ASIC2: variants seen among roughly 807,000 people sequenced by gnomAD.
ASIC2 encodes the protein acid sensing ion channel subunit 2.
ASIC2 carries 25 observed loss-of-function variants against 57.3 expected under a neutral mutation model. That is an observed-to-expected ratio of 0.44 (90% CI 0.32 to 0.61). The LOEUF (loss-of-function observed/expected upper bound fraction) is 0.61. Ranked by LOEUF, ASIC2 falls within the 20% of genes least tolerant of loss-of-function variation. ASIC2 has a pLI of 0.06. For missense variants in ASIC2, 641 were observed against 738.1 expected, an observed-to-expected ratio of 0.87 and a Z score of 1.52; for synonymous variants, 319 against 307.5, an observed-to-expected ratio of 1.04 and a Z score of -0.39.
intron 1 of ASIC2, among the ~76,000 whole-genome samples, chr17:34,014,894 ATT>A (rs71942466): frequency 6.8e-6 from 1 of 146,754 alleles, no homozygotes; most frequent in Non-Finnish European, 1.5e-5. Flanking sequence ...ATATCGCTGC[ATT>A]TTTTTTTTTT....
At chr17:33,265,881 C>T (rs1909439930) in intron 1 of ASIC2, among the ~76,000 whole-genome samples, 1 of 152,084 alleles carries the variant, frequency 6.6e-6, no homozygotes, top group Non-Finnish European at 1.5e-5. Context: ...CTCTTCTCAA[C>T]CTCATCTTGA....
intron 3 of ASIC2, among the ~76,000 whole-genome samples, chr17:33,072,856 A>G (rs1040470077): frequency 2.6e-5 from 4 of 152,166 alleles, no homozygotes; most frequent in Admixed American, 1.3e-4. Flanking sequence ...TCATTTCCCC[A>G]CTGGGAAGAA....
At chr17:33,909,036 T>C (rs1006905634) in intron 1 of ASIC2, among the ~76,000 whole-genome samples, 2 of 152,212 alleles carry the variant, frequency 1.3e-5, no homozygotes, top group African/African-American at 4.8e-5. Flanking sequence ...AGCTGTTGAA[T>C]GGTGGCCCTG....
chr17:34,099,627 A>C (rs1264780834), intron 1 of ASIC2, among the ~76,000 whole-genome samples: 2 of 149,520 alleles, frequency 1.3e-5, no homozygotes, highest in Admixed American at 6.6e-5. Context: ...AGAAAGAAAA[A>C]GAAAAAGAAA....
In ASIC2 at chr17:33,608,373, G is replaced by A. The variant is rs191047201; in HGVS notation, c.556-496306C>T. On this transcript the variant is annotated intron_variant, in intron 1 of 9. Transcript: ENST00000359872. ...CTTCCAGTAGGCCCTAAGGCCTAGA[G>A]TTCATATAAAAGTCTCAGGAATGTT... 2.6e-5 allele frequency among the ~76,000 whole-genome samples: 4 copies of A among 152,252 alleles called. No homozygotes were observed. In the East Asian group the frequency reaches 7.7e-4, roughly 29 times the overall value.
At chr17:33,294,655 A>G (rs1422269153), upstream of ASIC2, among the ~76,000 whole-genome samples, 2 of 152,140 alleles carry the variant, frequency 1.3e-5, no homozygotes, top group African/African-American at 4.8e-5. Context: ...ACACACATAT[A>G]CATGAACATA....
chr17:33,207,812 G>T (rs1907124153), intron 1 of ASIC2, among the ~76,000 whole-genome samples: 1 of 152,144 alleles, frequency 6.6e-6, no homozygotes, highest in African/African-American at 2.4e-5. Flanking sequence ...CACCCTTCAG[G>T]TGGGAGAACT....
chr17:33,099,023 C>T (rs1044627440), intron 2 of ASIC2, among the ~76,000 whole-genome samples: 1 of 131,520 alleles, frequency 7.6e-6, no homozygotes, highest in Non-Finnish European at 1.7e-5. Flanking sequence ...GATGCAGTCT[C>T]ACTCTGTTGC....
At chr17:33,198,139 C>T (rs1906711704) in intron 1 of ASIC2, among the ~76,000 whole-genome samples, 2 of 152,142 alleles carry the variant, frequency 1.3e-5, no homozygotes, top group South Asian at 2.1e-4. Context: ...TACTTGAGCT[C>T]AGGAGCTGGA....
Position 33,026,804 on chromosome 17 carries a change from T to C in ASIC2, c.1139-822A>G, listed in dbSNP as rs16564. ...TCTTTTCCTTTACCAAGCTCTAAAGTTAAAGTCCACCATGTTTTTTTCCTT... is the reference window on the plus strand; with the variant it reads ...TCTTTTCCTTTACCAAGCTCTAAAGCTAAAGTCCACCATGTTTTTTTCCTT... On this transcript the variant is annotated intron_variant, in intron 4 of 9. Transcript: ENST00000225823. 2.0e-5 allele frequency among the ~76,000 whole-genome samples: 3 copies of C among 152,116 alleles called. No homozygotes were observed. In the South Asian group the frequency reaches 6.2e-4, roughly 32 times the overall value.
intron 1 of ASIC2, among the ~76,000 whole-genome samples, chr17:33,775,398 A>T (rs1163619758): frequency 6.6e-6 from 1 of 152,210 alleles, no homozygotes; most frequent in African/African-American, 2.4e-5. Flanking sequence ...TGGGAGTATG[A>T]GTGGTAAGAT....
At chr17:33,670,250 C>T (rs1467848399) in intron 1 of ASIC2, among the ~76,000 whole-genome samples, 11 of 152,182 alleles carry the variant, frequency 7.2e-5, no homozygotes, top group Non-Finnish European at 1.0e-4. Context: ...TGGATGACTG[C>T]ACCTCCTCCA....
At chr17:33,310,720 T>C (rs1906377501) in intron 1 of ASIC2, among the ~76,000 whole-genome samples, 1 of 152,204 alleles carries the variant, frequency 6.6e-6, no homozygotes, top group South Asian at 2.1e-4. Context: ...AGACACAGCG[T>C]CTTCTCTTGG....
chr17:33,443,405 G>GTTTTTTTTTT (rs1567862521), intron 1 of ASIC2, among the ~76,000 whole-genome samples: 8 of 99,542 alleles, frequency 8.0e-5, no homozygotes, highest in Admixed American at 3.0e-4. Context: ...TGGAGGGTAA[G>GTTTTTTTTTT]ATTTTTTTTT....
intron 1 of ASIC2, among the ~76,000 whole-genome samples, chr17:33,478,415 TC>T (rs1913298354): frequency 6.6e-6 from 1 of 152,230 alleles, no homozygotes; most frequent in Non-Finnish European, 1.5e-5. Flanking sequence ...CACAGAGGTC[TC>T]CCCAACTGCT....
chr17:33,088,766 C>T lies in ASIC2; in HGVS notation c.987+97G>A. The T allele has an allele frequency of 6.2e-6, 9 of 1,441,980 alleles. No homozygotes were observed. The South Asian group carries it at 1.2e-4, about 19-fold the overall frequency. 89.3% of individuals were successfully genotyped at this position (1,441,980 alleles called of 1,614,324 possible). On this transcript the variant is annotated intron_variant, in intron 3 of 9. Transcript: ENST00000225823. ...TCTTTCTCTAGTTTCACAGTAAAGC[C>T]CTTGACCGAGTGGGAATTCCATTTC...
At chr17:33,941,976 C>T (rs1010897563) in intron 1 of ASIC2, among the ~76,000 whole-genome samples, 2 of 152,104 alleles carry the variant, frequency 1.3e-5, no homozygotes, top group African/African-American at 4.8e-5. Flanking sequence ...CACAACATTC[C>T]CACAGAGCGT....
At chr17:34,095,586 T>C (rs1467067681) in intron 1 of ASIC2, among the ~76,000 whole-genome samples, 6 of 143,534 alleles carry the variant, frequency 4.2e-5, no homozygotes, top group Non-Finnish European at 7.5e-5. Context: ...AAGGGAAGAG[T>C]TGGGGAGAAG....
intron 1 of ASIC2, among the ~76,000 whole-genome samples, chr17:33,553,849 A>G (rs564169606): frequency 6.6e-6 from 1 of 152,288 alleles, no homozygotes; most frequent in Non-Finnish European, 1.5e-5. Flanking sequence ...CACACATACT[A>G]ATGAGGCTTA....
Sources: allele counts gnomAD v4.1 joint callset (sites outside exome capture counted in the v4.1 genomes callset), GRCh38; gene constraint gnomAD v4.1.1; transcripts MANE v1.5; gene names NCBI Gene and HGNC (gene_info 2026-07-23, HGNC 2026-07-21).